COL23A1: variants seen among roughly 807,000 people sequenced by gnomAD.
COL23A1 encodes collagen alpha-1(XXIII) chain.
COL23A1 carries 97 observed loss-of-function variants against 99.3 expected under a neutral mutation model. The observed-to-expected ratio is 0.98, with a 90% CI of 0.83 to 1.16. The LOEUF (loss-of-function observed/expected upper bound fraction) is 1.16, where lower values mean the gene tolerates loss of function less well. COL23A1 is among the 50% of genes most tolerant of loss of function. COL23A1 has a pLI of 0.00. For synonymous variants in COL23A1, 320 were observed against 308.2 expected, an observed-to-expected ratio of 1.04 and a Z score of -0.40; for missense variants, 762 against 757.4, an observed-to-expected ratio of 1.01 and a Z score of -0.07.
At chr5:178,457,490 C>T (rs918263672) in intron 2 of COL23A1, among the ~76,000 whole-genome samples, 6 of 152,200 alleles carry the variant, frequency 3.9e-5, no homozygotes, top group African/African-American at 1.4e-4. Context: ...GCTAGGATTA[C>T]AGGCACGAAC....
chr5:178,581,304 G>A (rs1439389900), intron 1 of COL23A1, among the ~76,000 whole-genome samples: 1 of 152,152 alleles, frequency 6.6e-6, no homozygotes, highest in Non-Finnish European at 1.5e-5. Context: ...GGTGGCTCAT[G>A]CCTGTAATCC....
chr5:178,466,646 G>A (rs1442189008), intron 2 of COL23A1, among the ~76,000 whole-genome samples: 5 of 152,258 alleles, frequency 3.3e-5, no homozygotes, highest in African/African-American at 9.6e-5. Flanking sequence ...TGCTGCTGCG[G>A]GGGATGGCCC....
At chr5:178,580,930 G>C (rs547735690) in intron 1 of COL23A1, among the ~76,000 whole-genome samples, 93 of 151,880 alleles carry the variant, frequency 6.1e-4, no homozygotes, top group Non-Finnish European at 1.0e-3. Context: ...GATCACCTGA[G>C]TCCAGGAGCG....
intron 2 of COL23A1, among the ~76,000 whole-genome samples, chr5:178,514,637 A>AG: frequency 6.6e-6 from 1 of 152,168 alleles, no homozygotes; most frequent in South Asian, 2.1e-4. Context: ...CTCAGAGCCC[A>AG]GGGGGGAAGC....
chr5:178,509,869 T>C (rs1759103338), intron 2 of COL23A1, among the ~76,000 whole-genome samples: 1 of 152,236 alleles, frequency 6.6e-6, no homozygotes, highest in Non-Finnish European at 1.5e-5. Context: ...CTTCAGCTAC[T>C]ATTTAAACCA....
At chr5:178,431,659 A>G (rs1241247546) in intron 2 of COL23A1, among the ~76,000 whole-genome samples, 1 of 152,220 alleles carries the variant, frequency 6.6e-6, no homozygotes, top group Admixed American at 6.5e-5. Flanking sequence ...GAGGCAAAGA[A>G]CGGATTCTCC....
At chr5:178,543,411 G>A (rs1051322687) in intron 2 of COL23A1, among the ~76,000 whole-genome samples, 3 of 152,102 alleles carry the variant, frequency 2.0e-5, no homozygotes, top group Admixed American at 2.0e-4. Flanking sequence ...CTGACCTATA[G>A]TTGGTTTTTA....
At chr5:178,463,171 T>A (rs1472626920) in intron 2 of COL23A1, among the ~76,000 whole-genome samples, 1 of 152,246 alleles carries the variant, frequency 6.6e-6, no homozygotes, top group Non-Finnish European at 1.5e-5. Context: ...ATTCCAGTTA[T>A]CTTGAGAGCT....
chr5:178,430,226 A>G (rs572794273), intron 2 of COL23A1, among the ~76,000 whole-genome samples: 8 of 152,284 alleles, frequency 5.3e-5, no homozygotes, highest in Admixed American at 3.9e-4. Flanking sequence ...GAGAACGATC[A>G]CACCCCATAA....
intron 5 of COL23A1, among the ~76,000 whole-genome samples, chr5:178,287,635 A>C (rs1018768926): frequency 3.9e-5 from 6 of 152,106 alleles, no homozygotes; most frequent in African/African-American, 1.4e-4. Context: ...CCCTCCCTGC[A>C]TCTTCCTGCC....
intron 28 of COL23A1, 21 bp downstream of exon 28, chr5:178,239,120 G>A: frequency 6.2e-7 from 1 of 1,612,496 alleles, no homozygotes; most frequent in Non-Finnish European, 8.5e-7. Context: ...AGCCTGCCCT[G>A]GAGACTTCCC....
intron 2 of COL23A1, among the ~76,000 whole-genome samples, chr5:178,493,471 C>T (rs1562021445): frequency 6.6e-6 from 1 of 152,230 alleles, no homozygotes; most frequent in Non-Finnish European, 1.5e-5. Context: ...CCACGTGGGC[C>T]ACCCAGCCTC....
chr5:178,441,005 G>A (rs73336678), intron 2 of COL23A1, among the ~76,000 whole-genome samples: 207 of 152,262 alleles, frequency 1.4e-3, no homozygotes, highest in African/African-American at 4.8e-3. Context: ...GGTTTAGAAA[G>A]TTACGAAACA....
chr5:178,582,714 GTGACTACCC>G (rs1763727118), intron 1 of COL23A1, among the ~76,000 whole-genome samples: 2 of 152,190 alleles, frequency 1.3e-5, no homozygotes, highest in South Asian at 4.2e-4. Context: ...CAAGCAAGGC[GTGACTACCC>G]CCAGGCTACA....
chr5:178,245,516 C>G (rs1363202397), intron 25 of COL23A1, among the ~76,000 whole-genome samples: 1 of 151,276 alleles, frequency 6.6e-6, no homozygotes, highest in African/African-American at 2.4e-5. Flanking sequence ...ATCCACCCAC[C>G]CATCATCCAC....
chr5:178,552,075 C>G lies in COL23A1; in HGVS notation c.361+8607G>C, dbSNP rs145268941. On this transcript the variant is annotated intron_variant, in intron 2 of 28. Transcript: ENST00000390654. ...AACCTTGCCCAATTATCATCTTCCC[C>G]AGGAAGGACCCTCCTCCAACCCAGA... is the stretch of plus-strand genomic sequence containing the variant. Among the ~76,000 whole-genome samples, 480 of 152,274 alleles carry G rather than the reference C, an allele frequency of 3.2e-3. 5 individuals are homozygous for G. In the East Asian group the frequency reaches 0.032, roughly 10 times the overall value.
chr5:178,322,103 C>T (rs1759355266), intron 2 of COL23A1, among the ~76,000 whole-genome samples: 1 of 152,040 alleles, frequency 6.6e-6, no homozygotes, highest in Admixed American at 6.5e-5. Context: ...AGCGATTCTC[C>T]TGCCTCAGCC....
chr5:178,552,170 T>G (rs1403005535), intron 2 of COL23A1, among the ~76,000 whole-genome samples: 4 of 152,206 alleles, frequency 2.6e-5, no homozygotes, highest in African/African-American at 9.6e-5. Context: ...GCTCATCCTA[T>G]TCTCCGCATC....
chr5:178,526,567 T>C (rs1420274189), intron 2 of COL23A1, among the ~76,000 whole-genome samples: 1 of 152,158 alleles, frequency 6.6e-6, no homozygotes, highest in Non-Finnish European at 1.5e-5. Context: ...AAATTCTCTT[T>C]GAACTGGCTG....
Sources: allele counts gnomAD v4.1 joint callset (sites outside exome capture counted in the v4.1 genomes callset), GRCh38; gene constraint gnomAD v4.1.1; transcripts MANE v1.5; gene names NCBI Gene and HGNC (gene_info 2026-07-23, HGNC 2026-07-21).